SIRPB1: variants seen among roughly 807,000 people sequenced by gnomAD.
The protein encoded by SIRPB1 is signal regulatory protein beta 1, also known as signal-regulatory protein beta-1.
Under a neutral mutation model 34.1 loss-of-function variants are expected in SIRPB1, and 28 were observed. The observed-to-expected ratio is 0.82, with a 90% CI of 0.61 to 1.12. The LOEUF is 1.12. Among genes scored for constraint, SIRPB1 ranks in the 50% most tolerant of loss-of-function variants. The pLI is 0.00. For missense variants in SIRPB1, 499 were observed against 507.0 expected (o/e 0.98, Z 0.15); for synonymous variants, 211 against 203.8 (o/e 1.04, Z -0.30).
chr20:1,614,180 A>T (rs2091597452), intron 1 of SIRPB1, among the ~76,000 whole-genome samples: 1 of 152,232 alleles, frequency 6.6e-6, no homozygotes, highest in Non-Finnish European at 1.5e-5. Flanking sequence ...AGAAATTACG[A>T]TATTCTCAGA....
rs2091098034 is a variant in SIRPB1 at position 1,563,835 on chromosome 20, A to G, written c.*1665T>C. The G allele has an allele frequency of 6.6e-6, 1 of 152,428 alleles. No homozygotes were observed. The highest frequency in any genetic ancestry group is 2.4e-5 in the African/African-American group (1 of 41,390). The allele number at this position is 152,428 out of a possible 1,614,324, so 9.4% of individuals were successfully genotyped here. A position where few individuals can be genotyped will look rare whatever the true frequency, so the allele number is the denominator to read the frequency against. ...CTTATGAGAACTCACTATCACAAGAACAGCAAGGGGGAAGTCCGCCCCCAT... is the reference window on the plus strand; with the variant it reads ...CTTATGAGAACTCACTATCACAAGAGCAGCAAGGGGGAAGTCCGCCCCCAT... On this transcript the variant is annotated 3_prime_UTR_variant, in exon 6 of 6. Coordinates refer to ENST00000381605, the MANE Select transcript of SIRPB1 (RefSeq NM_006065.5).
In SIRPB1 at chr20:1,599,630, G is replaced by A. The variant is rs2091468581; in HGVS notation, c.76+20239C>T. 4.1e-5 allele frequency among the ~76,000 whole-genome samples: 2 copies of A among 48,972 alleles called. 1 individual carries two copies. The highest frequency in any genetic ancestry group is 7.9e-5 in the Non-Finnish European group (2 of 25,360). 32.1% of individuals were successfully genotyped at this position (48,972 alleles called of 152,430 possible). A position where few individuals can be genotyped will look rare whatever the true frequency, so the allele number is the denominator to read the frequency against. Reference sequence around the variant, plus strand: ...TACTCCAAGACAGATCTCTCCTGGAGAGCTGGCACACCAAAGCATACCCAC... The same window carrying A: ...TACTCCAAGACAGATCTCTCCTGGAAAGCTGGCACACCAAAGCATACCCAC... On this transcript the variant is annotated intron_variant, in intron 1 of 5. Coordinates refer to ENST00000381605, the MANE Select transcript of SIRPB1 (RefSeq NM_006065.5).
chr20:1,570,559 A>G (rs1372834760), intron 4 of SIRPB1: 7 of 398,738 alleles, frequency 1.8e-5, no homozygotes, highest in South Asian at 5.2e-5. Context: ...CAAAATATCT[A>G]TCAAGTTGTG....
rs151120431 is a variant in SIRPB1 at position 1,578,046 on chromosome 20, T to C, written c.433+292A>G. On this transcript the variant is annotated intron_variant, in intron 2 of 5. Transcript: ENST00000381605. The stretch of plus-strand genomic sequence containing the variant: ...CTGGACAAGTCACTCAAATTGTGAG[T>C]TCCCTCATCTGTGGAACCAAAGGGC... The C allele has an allele frequency of 1.2e-4, 53 of 446,258 alleles. 4 individuals are homozygous for C. The highest frequency in any genetic ancestry group is 1.0e-3 in the African/African-American group (51 of 50,360). 27.6% of individuals were successfully genotyped at this position (446,258 alleles called of 1,614,324 possible).
chr20:1,572,015 T>TA lies in SIRPB1; in HGVS notation c.455dup (p.Ser153IlefsTer10), dbSNP rs1164831906. The TA allele has an allele frequency of 6.2e-7, 1 of 1,613,846 alleles. No individual in the cohort carries two copies. ...GTGTGGCCCTCACCGCAGGGCCCGA[T>TA]ACCACGGGGGCAGAGGGTTTGGCTA... On this transcript the variant is annotated frameshift_variant, in exon 3 of 6. Transcript: ENST00000381605. LOFTEE classifies it high-confidence loss of function.
At chr20:1,578,817 A>C in intron 1 of SIRPB1, 123 bp from the exon 2 acceptor site, 1 of 793,642 alleles carries the variant, frequency 1.3e-6, no homozygotes, top group Admixed American at 2.1e-5. Flanking sequence ...AGCTCAGCCC[A>C]CTACATGTAT....
chr20:1,616,262 A>C (rs567834375), intron 1 of SIRPB1, among the ~76,000 whole-genome samples: 35 of 152,218 alleles, frequency 2.3e-4, no homozygotes, highest in Non-Finnish European at 4.9e-4. Context: ...TAGAAAAGGC[A>C]ATCTTGAGCA....
At position 1,617,996 on chromosome 20, in the gene SIRPB1, TACAC is replaced by T. The variant is rs202130637; in HGVS notation, c.76+1869_76+1872del. ...ATATACACACACATATATGTATATA[TACAC>T]ACACACACATATATATGTATATATA... On this transcript the variant is annotated intron_variant, in intron 1 of 5. Transcript: ENST00000381605. Among the ~76,000 whole-genome samples, 12 of 152,028 alleles carry T rather than the reference TACAC, an allele frequency of 7.9e-5. No individual in the cohort carries two copies. In the South Asian group the frequency reaches 1.7e-3, roughly 21 times the overall value.
In SIRPB1 at chr20:1,619,965, G is replaced by A. The variant is rs761922037; in HGVS notation, c.-21C>T. The A allele has an allele frequency of 3.7e-6, 6 of 1,608,942 alleles. No homozygotes were observed. Among genetic ancestry groups the A allele is most frequent in the Non-Finnish European group, 4.2e-6 (5 of 1,177,508 alleles). ...GGCATTCTGGAGACCTTAGGAGCCT[G>A]CTCTGTCCAAACGTCTGTGCTGGGA... On this transcript the variant is annotated 5_prime_UTR_variant, in exon 1 of 6. Coordinates refer to ENST00000381605, the MANE Select transcript of SIRPB1 (RefSeq NM_006065.5).
intron 4 of SIRPB1, among the ~76,000 whole-genome samples, chr20:1,567,960 G>A (rs1323301826): frequency 6.6e-6 from 1 of 152,208 alleles, no homozygotes; most frequent in Non-Finnish European, 1.5e-5. Context: ...TCATAGAAGA[G>A]TAGCAGAATC....
Position 1,616,624 on chromosome 20 carries a change from A to T in SIRPB1, c.76+3245T>A, listed in dbSNP as rs1481976068. Among the ~76,000 whole-genome samples the T allele has an allele frequency of 3.3e-5, 5 of 152,150 alleles. No individual in the cohort carries two copies. In the East Asian group the frequency reaches 7.7e-4, roughly 23 times the overall value. On this transcript the variant is annotated intron_variant, in intron 1 of 5. Coordinates refer to ENST00000381605, the MANE Select transcript of SIRPB1 (RefSeq NM_006065.5). ...GTAAAAGTACTGGAAGAAAAGTGCC[A>T]TGACATTGGTGTGGGCAATGAATTT...
At chr20:1,576,600 A>G (rs1366189691) in intron 2 of SIRPB1, among the ~76,000 whole-genome samples, 1 of 148,164 alleles carries the variant, frequency 6.7e-6, no homozygotes, top group African/African-American at 2.4e-5. Flanking sequence ...TGTTAAAACC[A>G]CTGTCTTAAA....
intron 1 of SIRPB1, among the ~76,000 whole-genome samples, chr20:1,618,814 G>A (rs1356167771): frequency 6.6e-6 from 1 of 152,178 alleles, no homozygotes; most frequent in Non-Finnish European, 1.5e-5. Flanking sequence ...GCCTGTCTTG[G>A]GAAGGGGAAA....
chr20:1,600,228 C>G lies in SIRPB1; in HGVS notation c.76+19641G>C, dbSNP rs2091470933. ...CCCCAGAGCAGGTGCCATCTGAAAT[C>G]TCTCTGTTGGACACACAGTCAGATC... On this transcript the variant is annotated intron_variant, in intron 1 of 5. Coordinates refer to ENST00000381605, the MANE Select transcript of SIRPB1 (RefSeq NM_006065.5). Among the ~76,000 whole-genome samples, 2 of 49,920 alleles carry G rather than the reference C, an allele frequency of 4.0e-5. 1 individual carries two copies. Among genetic ancestry groups the G allele is most frequent in the Admixed American group, 2.6e-4 (2 of 7,574 alleles). 32.7% of individuals were successfully genotyped at this position (49,920 alleles called of 152,430 possible).
intron 4 of SIRPB1, chr20:1,570,555 A>T: frequency 2.6e-6 from 1 of 388,526 alleles, no homozygotes; most frequent in Non-Finnish European, 4.6e-6. Context: ...ATGTCAAAAT[A>T]TCTATCAAGT....
rs2091114100 is a variant in SIRPB1, at chr20:1,565,437, C to T, written c.*63G>A. 5.8e-6 allele frequency: 1 copy of T among 171,564 alleles called. No homozygotes were observed. Among genetic ancestry groups the T allele is most frequent in the Non-Finnish European group, 1.2e-5 (1 of 82,072 alleles). 10.6% of individuals were successfully genotyped at this position (171,564 alleles called of 1,614,324 possible). A position where few individuals can be genotyped will look rare whatever the true frequency, so the allele number is the denominator to read the frequency against. On this transcript the variant is annotated 3_prime_UTR_variant, in exon 6 of 6. Transcript: ENST00000381605. ...GAGCTGAGTGTGGGGAAGGTTCTCG[C>T]CAGCTCCTTCTCTCAGGCTGAGCTT...
rs557535207 is a variant in SIRPB1, at chr20:1,596,729, G to A, written c.77-18035C>T. On this transcript the variant is annotated intron_variant, in intron 1 of 5. Transcript: ENST00000381605. ...AGAGTGAGCCACGCAGCTGTTGCGGGGAAGAAGCCGAGGAATGACAGGATT... is the reference window on the plus strand; with the variant it reads ...AGAGTGAGCCACGCAGCTGTTGCGGAGAAGAAGCCGAGGAATGACAGGATT... Among the ~76,000 whole-genome samples, 9 of 49,096 alleles carry A rather than the reference G, an allele frequency of 1.8e-4. 4 individuals are homozygous for A. The highest frequency in any genetic ancestry group is 6.8e-4 in the Admixed American group (5 of 7,316). The allele number at this position is 49,096 out of a possible 152,430, so 32.2% of individuals were successfully genotyped here. A position where few individuals can be genotyped will look rare whatever the true frequency, so the allele number is the denominator to read the frequency against.
chr20:1,578,578 T>C lies in SIRPB1; in HGVS notation c.193A>G (p.Ile65Val). The change falls in exon 2 of 6, where the codon ATC (isoleucine) becomes GTC (valine). Residue 65 changes from isoleucine to valine, a missense_variant. Transcript: ENST00000381605. ...GCTCCAGCTCCTCTAAACCACATGA[T>C]GGGCCCCACAGGGATCAGGGACGTC... The part of the protein sequence containing the change: ...AMTSLIPVGP[I>V]MWFRGAGAGR... The C allele has an allele frequency of 6.3e-7, 1 of 1,584,094 alleles. No homozygotes were observed.
rs1431660946 is a variant in SIRPB1 at position 1,612,088 on chromosome 20, A to C, written c.76+7781T>G. ...CAGCTCACTCTAGCCTCAACCTCCC[A>C]GGCTCAAGTGATCCTTTCTCCTTGG... On this transcript the variant is annotated intron_variant, in intron 1 of 5. Coordinates refer to ENST00000381605, the MANE Select transcript of SIRPB1 (RefSeq NM_006065.5). 2.8e-5 allele frequency among the ~76,000 whole-genome samples: 2 copies of C among 70,844 alleles called. 1 individual carries two copies. The highest frequency in any genetic ancestry group is 1.8e-4 in the African/African-American group (2 of 10,960). 46.5% of individuals were successfully genotyped at this position (70,844 alleles called of 152,430 possible).
Sources: allele counts gnomAD v4.1 joint callset (sites outside exome capture counted in the v4.1 genomes callset), GRCh38; gene constraint gnomAD v4.1.1; transcripts MANE v1.5; gene names NCBI Gene and HGNC (gene_info 2026-07-23, HGNC 2026-07-21).